RXFP1: variants seen among roughly 807,000 people sequenced by gnomAD.
RXFP1 encodes relaxin receptor 1.
Under a neutral mutation model 89.8 loss-of-function variants are expected in RXFP1, and 73 were observed. The ratio of observed to expected loss-of-function variants is 0.81; its 90% confidence interval spans 0.67 to 0.99. RXFP1 has a LOEUF of 0.99. Among genes scored for constraint, RXFP1 ranks in the 50% least tolerant of loss-of-function variants. The probability of loss-of-function intolerance (pLI) is 0.00; values close to 1 mark genes in which losing one functional copy is unlikely to be tolerated. For synonymous variants in RXFP1, 277 were observed against 305.5 expected (o/e 0.91, Z 0.97); for missense variants, 793 against 895.5 (o/e 0.89, Z 1.46).
chr4:158,651,102 C>T (rs1165495647), intron 17 of RXFP1, among the ~76,000 whole-genome samples: 6 of 152,136 alleles, frequency 3.9e-5, no homozygotes, highest in Middle Eastern at 3.4e-3. Context: ...CCAGCCTGAG[C>T]GACAGCATGA....
At chr4:158,558,878 T>C (rs1751873684) in intron 1 of RXFP1, among the ~76,000 whole-genome samples, 1 of 152,206 alleles carries the variant, frequency 6.6e-6, no homozygotes, top group South Asian at 2.1e-4. Context: ...ATATTTATTA[T>C]AGAATCAATC....
At chr4:158,538,820 A>G (rs1745906883) in intron 1 of RXFP1, among the ~76,000 whole-genome samples, 1 of 147,064 alleles carries the variant, frequency 6.8e-6, no homozygotes, top group Admixed American at 6.8e-5. Context: ...AAAAAAAAAA[A>G]AAGAATAGGT....
intron 1 of RXFP1, among the ~76,000 whole-genome samples, chr4:158,542,109 A>ATATATATATAT: frequency 5.7e-5 from 2 of 35,254 alleles, no homozygotes; most frequent in African/African-American, 1.9e-4. Flanking sequence ...ATATATATAT[A>ATATATATATAT]TTTTTTTTTT....
intron 9 of RXFP1, among the ~76,000 whole-genome samples, chr4:158,621,734 G>A (rs1021260512): frequency 6.6e-6 from 1 of 151,960 alleles, no homozygotes; most frequent in Non-Finnish European, 1.5e-5. Context: ...CCTATTAAAA[G>A]GAAAAAGACT....
intron 1 of RXFP1, among the ~76,000 whole-genome samples, chr4:158,527,400 G>A (rs1259218185): frequency 7.3e-5 from 11 of 150,984 alleles, no homozygotes; most frequent in Non-Finnish European, 1.2e-4. Context: ...GAAGTTAGCC[G>A]GGCGTGGTGG....
rs185982558 is a variant in RXFP1 at position 158,571,399 on chromosome 4, G to A, written c.50-1299G>A. On this transcript the variant is annotated intron_variant, in intron 1 of 17. Coordinates refer to ENST00000307765, the MANE Select transcript of RXFP1 (RefSeq NM_021634.4). ...AGGGTAAAAGAGGCTGGGCGCGGTG[G>A]CTCACACTTGTAATCCCAGCACTTT... Among the ~76,000 whole-genome samples, 239 of 152,308 alleles carry A rather than the reference G, an allele frequency of 1.6e-3. 1 individual carries two copies. The highest frequency in any genetic ancestry group is 2.6e-3 in the Non-Finnish European group (174 of 68,034).
intron 4 of RXFP1, among the ~76,000 whole-genome samples, chr4:158,600,326 G>T (rs1029072909): frequency 4.6e-5 from 7 of 152,024 alleles, no homozygotes; most frequent in Admixed American, 4.6e-4. Context: ...ACAACTCAGA[G>T]TTCCTGTGCA....
Position 158,652,002 on chromosome 4 carries a change from C to T in RXFP1, c.2221C>T (p.Pro741Ser). ...ELMKPDLFTY[P>S]CEMSLISQST... ...AATGAAGCCGGACCTTTTCACATAC[C>T]CCTGTGAAATGTCACTGATTTCTCA... Residue 741 changes from proline (P) to serine (S), a missense_variant, in exon 18 of 18, where the codon CCC (proline) becomes TCC (serine). Pro to Ser is a moderately conservative substitution (Grantham distance 74, BLOSUM62 -1). Transcript: ENST00000307765. 6.2e-7 allele frequency: 1 copy of T among 1,613,824 alleles called. No individual in the cohort carries two copies. Among genetic ancestry groups the T allele is most frequent in the African/African-American group, 1.3e-5 (1 of 75,024 alleles).
chr4:158,570,828 A>T (rs908455960), intron 1 of RXFP1, among the ~76,000 whole-genome samples: 4 of 152,036 alleles, frequency 2.6e-5, no homozygotes, highest in African/African-American at 9.7e-5. Context: ...GCCCAAGGAT[A>T]CTTCTCTACC....
intron 5 of RXFP1, among the ~76,000 whole-genome samples, chr4:158,605,889 A>T (rs1397075173): frequency 6.6e-6 from 1 of 152,204 alleles, no homozygotes; most frequent in African/African-American, 2.4e-5. Context: ...TTGGTTTTAC[A>T]ATAGGGAAAC....
At chr4:158,565,160 A>G (rs1203821021) in intron 1 of RXFP1, among the ~76,000 whole-genome samples, 1 of 152,184 alleles carries the variant, frequency 6.6e-6, no homozygotes. Flanking sequence ...CCATGCAGGA[A>G]AGAGGATCTG....
intron 2 of RXFP1, among the ~76,000 whole-genome samples, chr4:158,581,735 T>C (rs1757395407): frequency 6.6e-6 from 1 of 152,212 alleles, no homozygotes; most frequent in South Asian, 2.1e-4. Flanking sequence ...ATGCACTGCA[T>C]CAATTTCATC....
intron 2 of RXFP1, among the ~76,000 whole-genome samples, chr4:158,580,229 A>G (rs1241045487): frequency 6.6e-6 from 1 of 152,040 alleles, no homozygotes; most frequent in Non-Finnish European, 1.5e-5. Flanking sequence ...GAGGAGGACT[A>G]TTGCCTCCGG....
At chr4:158,581,759 TC>T (rs1757401192) in intron 2 of RXFP1, among the ~76,000 whole-genome samples, 1 of 152,194 alleles carries the variant, frequency 6.6e-6, no homozygotes, top group Admixed American at 6.5e-5. Flanking sequence ...GTCATGGATG[TC>T]TGTTTTGCCT....
At chr4:158,610,747 A>G in intron 6 of RXFP1, 5 of 1,272,568 alleles carry the variant, frequency 3.9e-6, no homozygotes, top group Non-Finnish European at 5.1e-6. Flanking sequence ...TGTATAAGAG[A>G]ACACCCTGAG....
rs1422500115 is a variant in RXFP1 at position 158,562,841 on chromosome 4, A to G, written c.50-9857A>G. ...GACTGGGAACCTGCAAATTAAACCAACAAGAGGCTGATTTGTATGCATATG... is the reference window on the plus strand; with the variant it reads ...GACTGGGAACCTGCAAATTAAACCAGCAAGAGGCTGATTTGTATGCATATG... On this transcript the variant is annotated intron_variant, in intron 1 of 17. Coordinates refer to ENST00000307765, the MANE Select transcript of RXFP1 (RefSeq NM_021634.4). Among the ~76,000 whole-genome samples the G allele has an allele frequency of 2.1e-5, 3 of 143,034 alleles. No homozygotes were observed. The East Asian group carries it at 5.8e-4, about 28-fold the overall frequency. 93.8% of individuals were successfully genotyped at this position (143,034 alleles called of 152,430 possible).
chr4:158,648,529 T>C lies in RXFP1; in HGVS notation c.1787T>C (p.Val596Ala). 1 of 1,608,424 alleles carries C rather than the reference T, an allele frequency of 6.2e-7. No homozygotes were observed. Among genetic ancestry groups the C allele is most frequent in the Non-Finnish European group, 8.5e-7 (1 of 1,177,256 alleles). The change falls in exon 17 of 18, where the codon GTT becomes GCT. Residue 596 changes from valine to alanine, a missense_variant. Transcript: ENST00000307765. ...GINLAAFIII[V>A]FSYGSMFYSV... Reference sequence around the variant, plus strand: ...AATTTGGCCGCATTTATCATCATAGTTTTTTCCTATGGAAGCATGTTTTAT... The same window carrying C: ...AATTTGGCCGCATTTATCATCATAGCTTTTTCCTATGGAAGCATGTTTTAT...
intron 14 of RXFP1, among the ~76,000 whole-genome samples, chr4:158,644,562 G>C (rs1386427427): frequency 1.3e-5 from 2 of 152,194 alleles, no homozygotes; most frequent in Non-Finnish European, 2.9e-5. Flanking sequence ...AATAGGAGCT[G>C]TGTAACTGCA....
rs1302248023 is a variant in RXFP1 at position 158,653,274 on chromosome 4, A to G, written c.*1219A>G. 1 of 152,252 alleles carries G rather than the reference A, an allele frequency of 6.6e-6. No homozygotes were observed. Among genetic ancestry groups the G allele is most frequent in the African/African-American group, 2.4e-5 (1 of 41,458 alleles). 9.4% of individuals were successfully genotyped at this position (152,252 alleles called of 1,614,324 possible). A position where few individuals can be genotyped will look rare whatever the true frequency, so the allele number is the denominator to read the frequency against. ...TTCAAATACACCAAAAATGTTTGAA[A>G]CACAAAAATACTGGAATCAAACCAT... On this transcript the variant is annotated 3_prime_UTR_variant, in exon 18 of 18. Transcript: ENST00000307765.
Sources: gnomAD v4.1 joint callset for allele counts (sites outside exome capture counted in the v4.1 genomes callset) on GRCh38, gnomAD v4.1.1 for gene constraint, MANE v1.5 for transcripts, NCBI Gene and HGNC (gene_info 2026-07-23, HGNC 2026-07-21) for gene names.